Variants in PPIL4 observed in about 807,000 individuals in gnomAD.
PPIL4 encodes peptidyl-prolyl cis-trans isomerase-like 4.
PPIL4 carries 50 observed loss-of-function variants against 69.1 expected under a neutral mutation model. The observed-to-expected ratio is 0.72, with a 90% CI of 0.58 to 0.92. PPIL4 has a LOEUF of 0.92. PPIL4 is among the 40% of genes least tolerant of loss of function. The probability of loss-of-function intolerance (pLI) is 0.00; values close to 1 mark genes in which losing one functional copy is unlikely to be tolerated. For missense variants in PPIL4, 480 were observed against 587.9 expected, an observed-to-expected ratio of 0.82 and a Z score of 1.90; for synonymous variants, 193 against 191.6, an observed-to-expected ratio of 1.01 and a Z score of -0.06.
chr6:149,512,366 C>A, intron 11 of PPIL4, 64 bp from the exon 12 acceptor site: 2 of 1,309,922 alleles, frequency 1.5e-6, no homozygotes, highest in Non-Finnish European at 2.1e-6. Flanking sequence ...AACTTAAGAT[C>A]TGGTAAACAA....
At chr6:149,537,381 T>C (rs1004286720) in intron 4 of PPIL4, among the ~76,000 whole-genome samples, 1 of 152,128 alleles carries the variant, frequency 6.6e-6, no homozygotes, top group Non-Finnish European at 1.5e-5. Context: ...CAATGCTCAC[T>C]GACTATACCA....
At chr6:149,535,940 C>A (rs1777268902) in intron 4 of PPIL4, among the ~76,000 whole-genome samples, 1 of 152,198 alleles carries the variant, frequency 6.6e-6, no homozygotes, top group Non-Finnish European at 1.5e-5. Context: ...GCAGATACTG[C>A]ATTTTTTACA....
chr6:149,505,909 A>G (rs1458223894), intron 12 of PPIL4, among the ~76,000 whole-genome samples: 1 of 152,232 alleles, frequency 6.6e-6, no homozygotes, highest in Non-Finnish European at 1.5e-5. Flanking sequence ...ATTGATTTGT[A>G]TCTACTATTT....
intron 9 of PPIL4, among the ~76,000 whole-genome samples, chr6:149,523,704 G>GAA (rs959923008): frequency 1.7e-5 from 2 of 116,512 alleles, no homozygotes; most frequent in Admixed American, 8.4e-5. Flanking sequence ...AAAATAAAAA[G>GAA]AAAAAAAAAA....
At chr6:149,525,378 C>T (rs1777091710) in intron 8 of PPIL4, among the ~76,000 whole-genome samples, 169 bp from the exon 9 acceptor site, 1 of 152,096 alleles carries the variant, frequency 6.6e-6, no homozygotes, top group Admixed American at 6.5e-5. Flanking sequence ...AAAAGTAGTT[C>T]ACCAGAGCAG....
Position 149,545,951 on chromosome 6 carries a change from C to G in PPIL4, c.55G>C (p.Glu19Gln). The G allele has an allele frequency of 8.8e-6, 14 of 1,589,852 alleles. No homozygotes were observed. Among genetic ancestry groups the G allele is most frequent in the Non-Finnish European group, 1.2e-5 (14 of 1,165,814 alleles). ...CAAGCCTCACCACGCGGCCGTTCTT[C>G]GGTGTACAAGTCGATGACGACGTCG... ...LGDVVIDLYT[E>Q]ERPRACLNFL... Residue 19 changes from glutamate (E) to glutamine (Q), a missense_variant, in exon 1 of 13, where the codon GAA (glutamate) becomes CAA (glutamine). Physicochemically the swap from Glu to Gln is conservative, Grantham distance 29. Transcript: ENST00000253329.
intron 4 of PPIL4, among the ~76,000 whole-genome samples, chr6:149,538,679 A>C (rs896952363): frequency 1.3e-5 from 2 of 152,202 alleles, no homozygotes; most frequent in Non-Finnish European, 2.9e-5. Flanking sequence ...GATGACTTTG[A>C]GTGGCTCAAG....
intron 8 of PPIL4, 100 bp from the exon 9 acceptor site, chr6:149,525,309 A>C: frequency 1.6e-6 from 1 of 611,968 alleles, no homozygotes; most frequent in Admixed American, 3.0e-5. Context: ...CAGTTACTAC[A>C]AGGCAAAGTT....
Position 149,539,901 on chromosome 6 carries a change from A to G in PPIL4, c.321+1041T>C, listed in dbSNP as rs531764512. Among the ~76,000 whole-genome samples, 295 of 152,278 alleles carry G rather than the reference A, an allele frequency of 1.9e-3. 1 individual carries two copies. Among genetic ancestry groups the G allele is most frequent in the African/African-American group, 6.8e-3 (282 of 41,556 alleles). On this transcript the variant is annotated intron_variant, in intron 4 of 12. Transcript: ENST00000253329. ...TCCCAGCACTTTGGGAGGCCAAGGC[A>G]GGTGGATCACCTGGGGTCAAGAGTT...
At chr6:149,522,603 A>G (rs891963819) in intron 9 of PPIL4, among the ~76,000 whole-genome samples, 6 of 152,036 alleles carry the variant, frequency 3.9e-5, no homozygotes, top group African/African-American at 1.4e-4. Flanking sequence ...GAGAAAAAGG[A>G]CAACTTTTTA....
chr6:149,545,232 A>G (rs2115042995), intron 1 of PPIL4, among the ~76,000 whole-genome samples: 2 of 152,350 alleles, frequency 1.3e-5, no homozygotes, highest in South Asian at 2.1e-4. Flanking sequence ...TCTTTGAAAG[A>G]ACTAGTTCAA....
chr6:149,506,371 C>T (rs1776770863), intron 12 of PPIL4, among the ~76,000 whole-genome samples: 1 of 152,104 alleles, frequency 6.6e-6, no homozygotes, highest in African/African-American at 2.4e-5. Flanking sequence ...ACTCGGGAGG[C>T]TGAGGCAGGA....
intron 1 of PPIL4, among the ~76,000 whole-genome samples, chr6:149,542,057 G>GA (rs955467230): frequency 6.6e-5 from 10 of 151,330 alleles, no homozygotes; most frequent in South Asian, 2.1e-4. Flanking sequence ...AATAAGTCTA[G>GA]AAAAAAAACA....
chr6:149,509,895 C>T (rs1447694503), intron 12 of PPIL4, among the ~76,000 whole-genome samples: 1 of 151,972 alleles, frequency 6.6e-6, no homozygotes, highest in Non-Finnish European at 1.5e-5. Flanking sequence ...ATTGTAAGGA[C>T]CAAAAAATAT....
In PPIL4 at chr6:149,505,404, G is replaced by A. The variant is rs1776753645; in HGVS notation, c.*49C>T. The stretch of plus-strand genomic sequence containing the variant: ...GCATCTGCTTTCCTGGCACTCTTAA[G>A]TTAGACAAGAGTAAATATGTTAGCC... On this transcript the variant is annotated 3_prime_UTR_variant, in exon 13 of 13. Coordinates refer to ENST00000253329, the MANE Select transcript of PPIL4 (RefSeq NM_139126.4). 1 of 1,549,702 alleles carries A rather than the reference G, an allele frequency of 6.5e-7. No homozygotes were observed. The highest frequency in any genetic ancestry group is 8.7e-7 in the Non-Finnish European group (1 of 1,145,652).
At chr6:149,541,781 G>A (rs1777367366) in intron 1 of PPIL4, among the ~76,000 whole-genome samples, 195 bp from the exon 2 acceptor site, 1 of 152,190 alleles carries the variant, frequency 6.6e-6, no homozygotes, top group Admixed American at 6.5e-5. Flanking sequence ...AGGCGGAGGT[G>A]AGTGGATCAC....
At chr6:149,538,122 C>T (rs1019514060) in intron 4 of PPIL4, among the ~76,000 whole-genome samples, 10 of 151,968 alleles carry the variant, frequency 6.6e-5, no homozygotes, top group Non-Finnish European at 1.5e-4. Flanking sequence ...AAAAATCAGC[C>T]GGGCGTAGTG....
intron 10 of PPIL4, among the ~76,000 whole-genome samples, chr6:149,520,752 G>A (rs960033882): frequency 6.6e-6 from 1 of 152,088 alleles, no homozygotes; most frequent in Non-Finnish European, 1.5e-5. Flanking sequence ...AGTGGCTCAC[G>A]CCTGTAATCC....
intron 12 of PPIL4, among the ~76,000 whole-genome samples, chr6:149,507,867 G>C (rs1310509941): frequency 6.6e-6 from 1 of 152,180 alleles, no homozygotes; most frequent in African/African-American, 2.4e-5. Flanking sequence ...AGAATAATTA[G>C]AGAAGGTTTC....
Sources: gnomAD v4.1 joint callset for allele counts (sites outside exome capture counted in the v4.1 genomes callset) on GRCh38, gnomAD v4.1.1 for gene constraint, MANE v1.5 for transcripts, NCBI Gene and HGNC (gene_info 2026-07-23, HGNC 2026-07-21) for gene names.